The following SLC6A3 variants were observed in gnomAD, a reference collection of about 807,000 sequenced individuals.
SLC6A3 encodes solute carrier family 6 member 3, also known as sodium-dependent dopamine transporter.
In SLC6A3, 19 loss-of-function variants were observed where a neutral mutation model predicts 70.4. The observed-to-expected ratio is 0.27, with a 90% CI of 0.19 to 0.40. SLC6A3 has a LOEUF of 0.40. Ranked by LOEUF, SLC6A3 falls within the 10% of genes least tolerant of loss-of-function variation. The probability of loss-of-function intolerance (pLI) is 1.00; values close to 1 mark genes in which losing one functional copy is unlikely to be tolerated. For missense variants in SLC6A3, 613 were observed against 838.5 expected, an observed-to-expected ratio of 0.73 and a Z score of 3.32; for synonymous variants, 368 against 356.6, an observed-to-expected ratio of 1.03 and a Z score of -0.36.
In SLC6A3 at chr5:1,443,177, G is replaced by A. The variant is rs555623170; in HGVS notation, c.21C>T (p.Ser7=). The A allele has an allele frequency of 3.8e-5, 62 of 1,614,208 alleles. No homozygotes were observed. Among genetic ancestry groups the A allele is most frequent in the South Asian group, 3.5e-4 (32 of 91,084 alleles). Residue 7 remains serine (S), a synonymous_variant, in exon 2 of 15, where the codon TCC becomes TCT. Transcript: ENST00000270349. MSKSKC[S]VGLMSSVVAP... The stretch of plus-strand genomic sequence containing the variant: ...CCACCACGGAAGACATGAGTCCCAC[G>A]GAGCATTTGCTCTTACTCATGGGCA...
chr5:1,422,856 C>CCA (rs577940711), intron 4 of SLC6A3, among the ~76,000 whole-genome samples: 1 of 65,766 alleles, frequency 1.5e-5, no homozygotes, highest in Non-Finnish European at 2.7e-5. Flanking sequence ...CCACTGCTGC[C>CCA]CAGTGCTGCC....
chr5:1,394,846 T>G lies in SLC6A3; in HGVS notation c.1840-88A>C. The stretch of plus-strand genomic sequence containing the variant: ...GGTGGCTAAGAGCAGCTGAAGGCAG[T>G]GAGCAGACAGTTTGCAGCCTCCTGG... On this transcript the variant is annotated intron_variant, in intron 14 of 14. Coordinates refer to ENST00000270349, the MANE Select transcript of SLC6A3 (RefSeq NM_001044.5). This position sits in a 1 kb window ranked among gnomAD's most constrained non-coding sequence, Gnocchi z 4.7. 6.9e-7 allele frequency: 1 copy of G among 1,453,156 alleles called. No homozygotes were observed. Among genetic ancestry groups the G allele is most frequent in the Non-Finnish European group, 9.7e-7 (1 of 1,034,838 alleles). 90.0% of individuals were successfully genotyped at this position (1,453,156 alleles called of 1,614,324 possible). A position where few individuals can be genotyped will look rare whatever the true frequency, so the allele number is the denominator to read the frequency against.
intron 6 of SLC6A3, 80 bp downstream of exon 6, chr5:1,420,489 C>T: frequency 6.4e-7 from 1 of 1,551,634 alleles, no homozygotes; most frequent in Non-Finnish European, 8.9e-7. Flanking sequence ...CACCTCTCAG[C>T]CCTGGCAGGC....
chr5:1,430,200 T>G (rs1756663254), intron 4 of SLC6A3, among the ~76,000 whole-genome samples: 1 of 152,024 alleles, frequency 6.6e-6, no homozygotes, highest in African/African-American at 2.4e-5. Flanking sequence ...GGACTCTCTC[T>G]CCTCCTGCTG....
Position 1,406,175 on chromosome 5 carries a change from C to T in SLC6A3, c.1599+13G>A, listed in dbSNP as rs763612604. ...GCAGACGGGGGAAGGGCAGGTGGCCCGAGGTCCCTTACCAGGAGAAAGCAG... is the reference window on the plus strand; with the variant it reads ...GCAGACGGGGGAAGGGCAGGTGGCCTGAGGTCCCTTACCAGGAGAAAGCAG... On this transcript the variant is annotated intron_variant, in intron 12 of 14. Coordinates refer to ENST00000270349, the MANE Select transcript of SLC6A3 (RefSeq NM_001044.5). This position sits in a 1 kb window ranked among gnomAD's most constrained non-coding sequence, Gnocchi z 8.8. 17 of 1,600,352 alleles carry T rather than the reference C, an allele frequency of 1.1e-5. No homozygotes were observed. Among genetic ancestry groups the T allele is most frequent in the South Asian group, 5.5e-5 (5 of 90,826 alleles).
At chr5:1,444,804 G>A (rs895824838) in intron 1 of SLC6A3, among the ~76,000 whole-genome samples, 1 of 152,202 alleles carries the variant, frequency 6.6e-6, no homozygotes, top group African/African-American at 2.4e-5. Flanking sequence ...CCGTTAGAAA[G>A]CGTCCTTCCT....
intron 4 of SLC6A3, among the ~76,000 whole-genome samples, chr5:1,422,904 C>T (rs1271665026): frequency 6.8e-5 from 6 of 88,274 alleles, no homozygotes; most frequent in Admixed American, 2.5e-4. Flanking sequence ...ACAGTGCTGC[C>T]CATGGTGCTG....
At position 1,396,188 on chromosome 5, in the gene SLC6A3, G is replaced by A. The variant is rs1371211463; in HGVS notation, c.1840-1430C>T. 6.6e-6 allele frequency among the ~76,000 whole-genome samples: 1 copy of A among 152,240 alleles called. No individual in the cohort carries two copies. The highest frequency in any genetic ancestry group is 6.5e-5 in the Admixed American group (1 of 15,292). ...GGCAGTGGAATGCGGAGCGTCCATA[G>A]CTGAGCTGTGGTTTGTTCACGTGAC... On this transcript the variant is annotated intron_variant, in intron 14 of 14. Coordinates refer to ENST00000270349, the MANE Select transcript of SLC6A3 (RefSeq NM_001044.5). The surrounding 1 kb of genome is among the most constrained non-coding windows in gnomAD (Gnocchi z 7.0).
intron 4 of SLC6A3, among the ~76,000 whole-genome samples, chr5:1,425,521 T>C (rs1392482672): frequency 1.3e-5 from 2 of 152,182 alleles, no homozygotes; most frequent in African/African-American, 4.8e-5. Context: ...TCACATGATA[T>C]AGAAAAATTA....
chr5:1,430,143 C>A (rs1180838361), intron 4 of SLC6A3, among the ~76,000 whole-genome samples: 1 of 152,102 alleles, frequency 6.6e-6, no homozygotes, highest in Non-Finnish European at 1.5e-5. Context: ...GCCCCACCTT[C>A]TGAAACCAGC....
Position 1,398,584 on chromosome 5 carries a change from C to T in SLC6A3, c.1839+2331G>A, listed in dbSNP as rs1022668944. ...ATGGATTAACCTGTCCAACTGTCAG[C>T]GTAAAAAATTCTAGGTGTATGCTGG... On this transcript the variant is annotated intron_variant, in intron 14 of 14. Coordinates refer to ENST00000270349, the MANE Select transcript of SLC6A3 (RefSeq NM_001044.5). Among the ~76,000 whole-genome samples the T allele has an allele frequency of 4.6e-5, 7 of 152,182 alleles. No individual in the cohort carries two copies. In the South Asian group the frequency reaches 6.2e-4, roughly 14 times the overall value.
In SLC6A3 at chr5:1,398,753, A is replaced by C. The variant is rs929480920; in HGVS notation, c.1839+2162T>G. 3.3e-5 allele frequency among the ~76,000 whole-genome samples: 5 copies of C among 152,250 alleles called. No individual in the cohort carries two copies. The South Asian group carries it at 8.3e-4, about 25-fold the overall frequency. On this transcript the variant is annotated intron_variant, in intron 14 of 14. Transcript: ENST00000270349. ...GTCAGACTTTAAGACCAAAAGCATC[A>C]TTAGGGAGTGAAGATGGGTTCATGT...
chr5:1,395,880 C>T (rs1285262193), intron 14 of SLC6A3, among the ~76,000 whole-genome samples: 2 of 152,210 alleles, frequency 1.3e-5, no homozygotes, highest in Non-Finnish European at 2.9e-5. Flanking sequence ...TGCTTGGGGG[C>T]TCCCAGATTC....
In SLC6A3 at chr5:1,408,082, C is replaced by T. The variant is rs568352577; in HGVS notation, c.1498+944G>A. 3.3e-5 allele frequency among the ~76,000 whole-genome samples: 5 copies of T among 152,164 alleles called. No individual in the cohort carries two copies. The highest frequency in any genetic ancestry group is 1.2e-4 in the African/African-American group (5 of 41,490). On this transcript the variant is annotated intron_variant, in intron 11 of 14. Transcript: ENST00000270349. This position sits in a 1 kb window ranked among gnomAD's most constrained non-coding sequence, Gnocchi z 6.4. ...GTGGTGCAATCTCGGGTGACTGCAA[C>T]CTCCGCCTTCCGGGTTCAAGCTGAA...
rs186917389 is a variant in SLC6A3, at chr5:1,396,461, C to T, written c.1840-1703G>A. 6.6e-6 allele frequency among the ~76,000 whole-genome samples: 1 copy of T among 152,334 alleles called. No homozygotes were observed. Among genetic ancestry groups the T allele is most frequent in the Admixed American group, 6.5e-5 (1 of 15,306 alleles). The stretch of plus-strand genomic sequence containing the variant: ...CTGCCTCGAGGGAGTTTCTAGATTG[C>T]AGCACAGGGAGGGTGCAGCCTGGTG... On this transcript the variant is annotated intron_variant, in intron 14 of 14. Transcript: ENST00000270349. The surrounding 1 kb of genome is among the most constrained non-coding windows in gnomAD (Gnocchi z 7.0).
In SLC6A3 at chr5:1,413,293, G is replaced by A. The variant is rs1056298300; in HGVS notation, c.1156+1398C>T. Among the ~76,000 whole-genome samples, 1 of 152,118 alleles carries A rather than the reference G, an allele frequency of 6.6e-6. No homozygotes were observed. The highest frequency in any genetic ancestry group is 1.5e-5 in the Non-Finnish European group (1 of 68,014). On this transcript the variant is annotated intron_variant, in intron 8 of 14. Transcript: ENST00000270349. The surrounding 1 kb of genome is among the most constrained non-coding windows in gnomAD (Gnocchi z 7.1). Reference sequence around the variant, plus strand: ...CGCTTTGACTGAATTTTTTTTCCTAGTGGAAAGAACATGGGCTTAGGAGGC... The same window carrying A: ...CGCTTTGACTGAATTTTTTTTCCTAATGGAAAGAACATGGGCTTAGGAGGC...
At position 1,414,779 on chromosome 5, in the gene SLC6A3, C is replaced by A. The variant is rs562538093; in HGVS notation, c.1068G>T (p.Thr356=). Residue 356 remains threonine (T), a synonymous_variant, in exon 8 of 15, where the codon ACG becomes ACT. Coordinates refer to ENST00000270349, the MANE Select transcript of SLC6A3 (RefSeq NM_001044.5). Reference sequence around the variant, plus strand: ...AGACGACGAAGCCGGAGGAGAAGCTCGTCAGGGAGTTGATGGAGGTGGTGA... The same window carrying A: ...AGACGACGAAGCCGGAGGAGAAGCTAGTCAGGGAGTTGATGGAGGTGGTGA... ...AIVTTSINSL[T]SFSSGFVVFS... is the part of the protein sequence containing the mutation. 7 of 1,612,716 alleles carry A rather than the reference C, an allele frequency of 4.3e-6. No homozygotes were observed. The South Asian group carries it at 6.6e-5, about 15-fold the overall frequency.
rs1401118895 is a variant in SLC6A3, at chr5:1,402,579, C to T, written c.1767+343G>A. Among the ~76,000 whole-genome samples, 1 of 152,148 alleles carries T rather than the reference C, an allele frequency of 6.6e-6. No individual in the cohort carries two copies. Among genetic ancestry groups the T allele is most frequent in the African/African-American group, 2.4e-5 (1 of 41,418 alleles). ...ACGAATGTGAGCACAGACCCAGGCCCACACACACGTGCACACGGAGACAGC... is the reference window on the plus strand; with the variant it reads ...ACGAATGTGAGCACAGACCCAGGCCTACACACACGTGCACACGGAGACAGC... On this transcript the variant is annotated intron_variant, in intron 13 of 14. Coordinates refer to ENST00000270349, the MANE Select transcript of SLC6A3 (RefSeq NM_001044.5). The surrounding 1 kb of genome is among the most constrained non-coding windows in gnomAD (Gnocchi z 8.5).
chr5:1,409,768 A>G lies in SLC6A3; in HGVS notation c.1351T>C (p.Phe451Leu). The G allele has an allele frequency of 1.9e-6, 3 of 1,613,454 alleles. No homozygotes were observed. The South Asian group carries it at 3.3e-5, about 18-fold the overall frequency. Reference sequence around the variant, plus strand: ...AGGAGGAAGGTCGCCAGGACGATGAAGAGCGTGAAGAGCTCACGGTGTCTG... The same window carrying G: ...AGGAGGAAGGTCGCCAGGACGATGAGGAGCGTGAAGAGCTCACGGTGTCTG... ...LHRHRELFTL[F>L]IVLATFLLSL... Residue 451 changes from phenylalanine (F) to leucine (L), a missense_variant, in exon 10 of 15, where the codon TTC becomes CTC. This residue lies in a region of SLC6A3 where 348 missense variants were observed against 481.2 expected (regional missense o/e 0.72). Coordinates refer to ENST00000270349, the MANE Select transcript of SLC6A3 (RefSeq NM_001044.5).
Sources: allele counts gnomAD v4.1 joint callset (sites outside exome capture counted in the v4.1 genomes callset), GRCh38; gene constraint gnomAD v4.1.1; regional missense constraint gnomAD v4.1.1; non-coding constraint Gnocchi (gnomAD v3.1); transcripts MANE v1.5; gene names NCBI Gene and HGNC (gene_info 2026-07-23, HGNC 2026-07-21).